Variants in XPNPEP3 observed in about 807,000 individuals in gnomAD.
XPNPEP3 encodes the protein X-prolyl aminopeptidase 3, also known as xaa-Pro aminopeptidase 3.
In XPNPEP3, 41 loss-of-function variants were observed where a neutral mutation model predicts 60.0. That is an observed-to-expected ratio of 0.68 (90% confidence interval 0.53 to 0.89). The LOEUF (loss-of-function observed/expected upper bound fraction) is 0.89. Among genes scored for constraint, XPNPEP3 ranks in the 40% least tolerant of loss-of-function variants. XPNPEP3 has a pLI of 0.00. For synonymous variants in XPNPEP3, 212 were observed against 223.2 expected, an observed-to-expected ratio of 0.95 and a Z score of 0.45; for missense variants, 598 against 638.9, an observed-to-expected ratio of 0.94 and a Z score of 0.69.
rs550946492 is a variant in XPNPEP3, at chr22:40,876,705, C to G, written c.182-5065C>G. Among the ~76,000 whole-genome samples the G allele has an allele frequency of 1.1e-4, 16 of 152,096 alleles. No individual in the cohort carries two copies. In the East Asian group the frequency reaches 3.1e-3, roughly 29 times the overall value. On this transcript the variant is annotated intron_variant, in intron 2 of 9. Transcript: ENST00000357137. ...AGCCAGGATTCCAACTCACAAAAACCTAACTCAGAATCCACACTTTCAACC... is the reference window on the plus strand; with the variant it reads ...AGCCAGGATTCCAACTCACAAAAACGTAACTCAGAATCCACACTTTCAACC...
chr22:40,870,342 T>C (rs2057998861), intron 2 of XPNPEP3: 1 of 245,028 alleles, frequency 4.1e-6, no homozygotes, highest in African/African-American at 2.3e-5. Context: ...GTCAAGATAA[T>C]GGCCTCTGTA....
At position 40,907,758 on chromosome 22, in the gene XPNPEP3, C is replaced by T. The variant is rs188731746; in HGVS notation, c.855+109C>T. 50 of 1,050,920 alleles carry T rather than the reference C, an allele frequency of 4.8e-5. No individual in the cohort carries two copies. In the East Asian group the frequency reaches 1.2e-3, roughly 25 times the overall value. 65.1% of individuals were successfully genotyped at this position (1,050,920 alleles called of 1,614,324 possible). A position where few individuals can be genotyped will look rare whatever the true frequency, so the allele number is the denominator to read the frequency against. On this transcript the variant is annotated intron_variant, in intron 5 of 9. Coordinates refer to ENST00000357137, the MANE Select transcript of XPNPEP3 (RefSeq NM_022098.4). ...TTTGTGATAGTGATGACCAGCATGT[C>T]ATTGGAGAGGATTTGGTTCTGAAAT...
chr22:40,862,831 A>G (rs1385409841), intron 1 of XPNPEP3: 6 of 837,846 alleles, frequency 7.2e-6, no homozygotes, highest in Non-Finnish European at 8.6e-6. Context: ...GCCACTGGTG[A>G]TAGCAGTATT....
In XPNPEP3 at chr22:40,874,418, C is replaced by T. The variant is rs1192573655; in HGVS notation, c.181+5303C>T. 2.0e-5 allele frequency among the ~76,000 whole-genome samples: 3 copies of T among 147,132 alleles called. 1 individual carries two copies. Among genetic ancestry groups the T allele is most frequent in the South Asian group, 4.2e-4 (2 of 4,816 alleles). On this transcript the variant is annotated intron_variant, in intron 2 of 9. Coordinates refer to ENST00000357137, the MANE Select transcript of XPNPEP3 (RefSeq NM_022098.4). ...AGAATCTCAAAGGGAGGGCTTAGAA[C>T]ATGTGTTTTTGTTTTTGTTTTTTTT...
chr22:40,911,958 G>A (rs2146272836), intron 6 of XPNPEP3, among the ~76,000 whole-genome samples: 1 of 152,292 alleles, frequency 6.6e-6, no homozygotes, highest in East Asian at 1.9e-4. Context: ...GAAGTTTTAT[G>A]ATGATAACAC....
rs115900075 is a variant in XPNPEP3, at chr22:40,903,483, C to G, written c.793-4104C>G. 8.4e-3 allele frequency among the ~76,000 whole-genome samples: 1,274 copies of G among 151,806 alleles called. 19 individuals carry two copies. Among genetic ancestry groups the G allele is most frequent in the African/African-American group, 0.03 (1,234 of 41,440 alleles). ...ATGGACGTACATCTGTGTCTTCCTT[C>G]AAGTCATTGATTTTTTTTTTTTTTT... is the stretch of plus-strand genomic sequence containing the variant. On this transcript the variant is annotated intron_variant, in intron 4 of 9. Coordinates refer to ENST00000357137, the MANE Select transcript of XPNPEP3 (RefSeq NM_022098.4).
In XPNPEP3 at chr22:40,899,321, C is replaced by T. The variant is rs1406234091; in HGVS notation, c.793-8266C>T. On this transcript the variant is annotated intron_variant, in intron 4 of 9. Transcript: ENST00000357137. ...ATTCTGAGCTTACTTTCAGCCAGCA[C>T]TGAAGGCACTAACCAAACTATTGAA... Among the ~76,000 whole-genome samples the T allele has an allele frequency of 3.3e-5, 5 of 152,294 alleles. No homozygotes were observed. In the East Asian group the frequency reaches 5.8e-4, roughly 18 times the overall value.
At chr22:40,902,019 T>TA (rs1460446213) in intron 4 of XPNPEP3, among the ~76,000 whole-genome samples, 3 of 151,858 alleles carry the variant, frequency 2.0e-5, no homozygotes, top group African/African-American at 7.3e-5. Context: ...TTTATCTCAG[T>TA]AAAAAATCAA....
intron 6 of XPNPEP3, 143 bp from the exon 7 acceptor site, chr22:40,914,096 C>G (rs921801816): frequency 1.5e-6 from 1 of 682,228 alleles, no homozygotes; most frequent in African/African-American, 1.8e-5. Flanking sequence ...GAGCTGAGAT[C>G]ACACCATTGC....
At chr22:40,869,806 G>T (rs1028112566) in intron 2 of XPNPEP3, among the ~76,000 whole-genome samples, 1 of 152,158 alleles carries the variant, frequency 6.6e-6, no homozygotes, top group Non-Finnish European at 1.5e-5. Context: ...TATGACTAAT[G>T]AATATCTCAG....
At chr22:40,858,798 G>A (rs2057922837) in intron 1 of XPNPEP3, among the ~76,000 whole-genome samples, 2 of 152,060 alleles carry the variant, frequency 1.3e-5, no homozygotes, top group Admixed American at 1.3e-4. Flanking sequence ...CCAAAGTGCT[G>A]GGATTACAGG....
intron 3 of XPNPEP3, among the ~76,000 whole-genome samples, chr22:40,884,412 T>C (rs2058060359): frequency 6.6e-6 from 1 of 151,166 alleles, no homozygotes; most frequent in South Asian, 2.1e-4. Context: ...TCACTGCAAC[T>C]CCTGCCTCCC....
chr22:40,869,627 A>G (rs144472007), intron 2 of XPNPEP3, among the ~76,000 whole-genome samples: 18 of 152,362 alleles, frequency 1.2e-4, no homozygotes, highest in Non-Finnish European at 2.4e-4. Flanking sequence ...TTTGAGAGGT[A>G]GTATCCCAGT....
At chr22:40,860,620 T>A (rs1166389820) in intron 1 of XPNPEP3, 97 of 1,295,990 alleles carry the variant, frequency 7.5e-5, no homozygotes, top group African/African-American at 9.1e-5. Context: ...AAAGAAAAAT[T>A]CAAAAGTAAA....
At chr22:40,892,271 G>A (rs542731306) in intron 4 of XPNPEP3, among the ~76,000 whole-genome samples, 14 of 151,896 alleles carry the variant, frequency 9.2e-5, no homozygotes, top group African/African-American at 3.1e-4. Flanking sequence ...TGCAACCTCC[G>A]CCTCCCAGGT....
chr22:40,904,892 G>A (rs1330851853), intron 4 of XPNPEP3, among the ~76,000 whole-genome samples: 2 of 151,910 alleles, frequency 1.3e-5, no homozygotes, highest in South Asian at 2.1e-4. Context: ...AGCCTCCTGA[G>A]CAGCTGGGAT....
At chr22:40,865,550 A>G (rs949803553) in intron 1 of XPNPEP3, among the ~76,000 whole-genome samples, 1 of 151,326 alleles carries the variant, frequency 6.6e-6, no homozygotes, top group African/African-American at 2.4e-5. Flanking sequence ...CTGGTCTCGA[A>G]CTCCCGACCT....
At chr22:40,889,060 G>A (rs2058079842) in intron 4 of XPNPEP3, among the ~76,000 whole-genome samples, 1 of 151,634 alleles carries the variant, frequency 6.6e-6, no homozygotes, top group Non-Finnish European at 1.5e-5. Flanking sequence ...TTGAGACAGT[G>A]TCTCGCTATT....
intron 7 of XPNPEP3, among the ~76,000 whole-genome samples, chr22:40,915,361 G>C (rs1569031039): frequency 6.6e-6 from 1 of 152,004 alleles, no homozygotes; most frequent in Non-Finnish European, 1.5e-5. Flanking sequence ...GAGCACCTGA[G>C]GTCAGGAGTT....
Sources: allele counts gnomAD v4.1 joint callset (sites outside exome capture counted in the v4.1 genomes callset), GRCh38; gene constraint gnomAD v4.1.1; transcripts MANE v1.5; gene names NCBI Gene and HGNC (gene_info 2026-07-23, HGNC 2026-07-21).